RMDN3: variants seen among roughly 807,000 people sequenced by gnomAD.
RMDN3 encodes the protein regulator of microtubule dynamics protein 3.
RMDN3 carries 41 observed loss-of-function variants against 61.8 expected under a neutral mutation model. That is an observed-to-expected ratio of 0.66 (90% confidence interval 0.52 to 0.86). The LOEUF is 0.86. Among genes scored for constraint, RMDN3 ranks in the 40% least tolerant of loss-of-function variants. The pLI is 0.00. For synonymous variants in RMDN3, 247 were observed against 232.0 expected (o/e 1.06, Z -0.59); for missense variants, 557 against 585.3 (o/e 0.95, Z 0.50).
At chr15:40,738,185 G>C (rs1484612756) in intron 8 of RMDN3, 143 bp from the exon 9 acceptor site, 33 of 835,474 alleles carry the variant, frequency 3.9e-5, no homozygotes, top group Middle Eastern at 3.0e-4. Context: ...TCAGGAGTTC[G>C]AAACCAGTCC....
Position 40,754,597 on chromosome 15 carries a change from C to A in RMDN3, c.187G>T (p.Val63Leu). ...YTQTSDPGRH[V>L]MLLRAVPGGA... ...GCGGTCTCAGGAGACGGGCTCCTAC[C>A]GTGGCGTCCGGGATCTGAAGTCTGC... The change falls in exon 2 of 13, where the codon GTG becomes TTG. Residue 63 changes from valine (V) to leucine (L), a missense_variant and splice_region_variant. Physicochemically the swap from Val to Leu is conservative, Grantham distance 32. Transcript: ENST00000338376. 1 of 1,610,132 alleles carries A rather than the reference C, an allele frequency of 6.2e-7. No homozygotes were observed. Among genetic ancestry groups the A allele is most frequent in the Non-Finnish European group, 8.5e-7 (1 of 1,177,508 alleles).
At chr15:40,743,981 G>T (rs1897384597) in intron 6 of RMDN3, 66 bp downstream of exon 6, 1 of 1,382,932 alleles carries the variant, frequency 7.2e-7, no homozygotes. Context: ...GGGTCCCCAG[G>T]CAGATGGGCC....
intron 7 of RMDN3, chr15:40,739,102 C>T (rs1325404393): frequency 6.6e-6 from 1 of 152,602 alleles, no homozygotes; most frequent in Non-Finnish European, 1.5e-5. Context: ...CCAACAGAAC[C>T]AGAGGAAGAA....
intron 8 of RMDN3, 75 bp downstream of exon 8, chr15:40,738,426 T>A: frequency 6.8e-7 from 1 of 1,480,840 alleles, no homozygotes; most frequent in Non-Finnish European, 9.4e-7. Flanking sequence ...TAGAAAAGTT[T>A]TTGGCAGGGA....
chr15:40,746,929 T>G (rs954732056), intron 4 of RMDN3, among the ~76,000 whole-genome samples: 3 of 151,118 alleles, frequency 2.0e-5, no homozygotes, highest in African/African-American at 7.3e-5. Flanking sequence ...TAAGTGTCAT[T>G]AGATTTCGTA....
At chr15:40,738,381 C>CAAA (rs34355108) in intron 8 of RMDN3, 120 bp downstream of exon 8, 5 of 830,302 alleles carry the variant, frequency 6.0e-6, no homozygotes, top group East Asian at 3.1e-5. Flanking sequence ...GACTCTGTCT[C>CAAA]AAAAAAAAAG....
At position 40,754,449 on chromosome 15, in the gene RMDN3, G is replaced by A. The variant is rs974695502; in HGVS notation, c.187+148C>T. The A allele has an allele frequency of 9.6e-6, 8 of 837,196 alleles. 1 individual carries two copies. The highest frequency in any genetic ancestry group is 1.0e-5 in the Non-Finnish European group (6 of 578,344). 51.9% of individuals were successfully genotyped at this position (837,196 alleles called of 1,614,324 possible). A position where few individuals can be genotyped will look rare whatever the true frequency, so the allele number is the denominator to read the frequency against. On this transcript the variant is annotated intron_variant, in intron 2 of 12. Transcript: ENST00000338376. ...AGGCGTGAGCCACCGCGCCCAGCCC[G>A]ACGACTGCTTTTTCAACAAGCTTCC...
chr15:40,746,824 C>G (rs1431832005), intron 4 of RMDN3, among the ~76,000 whole-genome samples: 6 of 152,048 alleles, frequency 3.9e-5, no homozygotes, highest in African/African-American at 1.4e-4. Context: ...CCTTTCCTAA[C>G]TGCACCTTTG....
At chr15:40,740,861 G>C (rs927428131) in intron 6 of RMDN3, among the ~76,000 whole-genome samples, 13 of 152,132 alleles carry the variant, frequency 8.5e-5, no homozygotes, top group African/African-American at 3.1e-4. Context: ...CGAGGTGGGT[G>C]GATCACTTGA....
intron 7 of RMDN3, chr15:40,738,843 T>C (rs1178681332): frequency 1.9e-6 from 1 of 513,718 alleles, no homozygotes; most frequent in African/African-American, 1.9e-5. Flanking sequence ...TAAATCTCTC[T>C]TACACAGTAA....
rs1374222177 is a variant in RMDN3 at position 40,741,889 on chromosome 15, A to C, written c.911-1696T>G. Among the ~76,000 whole-genome samples, 4 of 152,004 alleles carry C rather than the reference A, an allele frequency of 2.6e-5. No individual in the cohort carries two copies. In the East Asian group the frequency reaches 5.8e-4, roughly 22 times the overall value. On this transcript the variant is annotated intron_variant, in intron 6 of 12. Coordinates refer to ENST00000338376, the MANE Select transcript of RMDN3 (RefSeq NM_018145.3). ...TGATGCGCCCACCTCAGCCTCCCAA[A>C]GTGCTGTGATTACAGGTGCGAACCA...
intron 2 of RMDN3, among the ~76,000 whole-genome samples, chr15:40,752,439 T>C (rs1897869248): frequency 6.6e-6 from 1 of 151,716 alleles, no homozygotes; most frequent in South Asian, 2.1e-4. Context: ...TAATGTAACA[T>C]GCTTGCCCAA....
chr15:40,736,818 A>G (rs541880123), intron 12 of RMDN3, among the ~76,000 whole-genome samples: 3 of 152,250 alleles, frequency 2.0e-5, no homozygotes, highest in African/African-American at 7.2e-5. Context: ...TATTTTCTAA[A>G]AATGTCACAT....
In RMDN3 at chr15:40,754,773, A is replaced by C; in HGVS notation, c.11T>G (p.Leu4Arg). 1 of 1,508,438 alleles carries C rather than the reference A, an allele frequency of 6.6e-7. No homozygotes were observed. Among genetic ancestry groups the C allele is most frequent in the Non-Finnish European group, 9.0e-7 (1 of 1,110,600 alleles). The allele number at this position is 1,508,438 out of a possible 1,614,324, so 93.4% of individuals were successfully genotyped here. A position where few individuals can be genotyped will look rare whatever the true frequency, so the allele number is the denominator to read the frequency against. ...GGCACGGGCACCACCCAGGGCTCCC[A>C]GTCTAGACATGCTGCACCTGCGGCC... The part of the protein sequence containing the change: MSR[L>R]GALGGARAGL... The change falls in exon 2 of 13, where the codon CTG (leucine) becomes CGG (arginine). Residue 4 changes from leucine to arginine, a missense_variant. By Grantham distance (102) the Leu-to-Arg change is moderately radical (BLOSUM62 -2). Coordinates refer to ENST00000338376, the MANE Select transcript of RMDN3 (RefSeq NM_018145.3).
In RMDN3 at chr15:40,736,604, CAAAG is replaced by C; in HGVS notation, c.1360-14_1360-11del. 2 of 1,613,456 alleles carry C rather than the reference CAAAG, an allele frequency of 1.2e-6. No homozygotes were observed. Among genetic ancestry groups the C allele is most frequent in the Admixed American group, 1.7e-5 (1 of 59,964 alleles). Reference sequence around the variant, plus strand: ...TCTGGATAGCCAAATCCTAGGGAGACAAAGAACAAATCTAGGGCTCAAAATTTAA... The same window carrying C: ...TCTGGATAGCCAAATCCTAGGGAGACAACAAATCTAGGGCTCAAAATTTAA... On this transcript the variant is annotated splice_polypyrimidine_tract_variant and intron_variant, in intron 12 of 12. Coordinates refer to ENST00000338376, the MANE Select transcript of RMDN3 (RefSeq NM_018145.3).
chr15:40,754,763 C>T lies in RMDN3; in HGVS notation c.21G>A (p.Leu7=), dbSNP rs747843426. 3 of 1,587,716 alleles carry T rather than the reference C, an allele frequency of 1.9e-6. No homozygotes were observed. Among genetic ancestry groups the T allele is most frequent in the South Asian group, 1.1e-5 (1 of 90,548 alleles). The change falls in exon 2 of 13, where the codon CTG becomes CTA. Residue 7 remains leucine, a synonymous_variant. Coordinates refer to ENST00000338376, the MANE Select transcript of RMDN3 (RefSeq NM_018145.3). MSRLGA[L]GGARAGLGLL... ...GTCCCAGCCCGGCACGGGCACCACC[C>T]AGGGCTCCCAGTCTAGACATGCTGC... is the stretch of plus-strand genomic sequence containing the variant.
At chr15:40,742,981 T>G (rs943418723) in intron 6 of RMDN3, among the ~76,000 whole-genome samples, 1 of 152,254 alleles carries the variant, frequency 6.6e-6, no homozygotes, top group African/African-American at 2.4e-5. Context: ...GACATCCTAC[T>G]CAATTGGTCT....
intron 4 of RMDN3, among the ~76,000 whole-genome samples, chr15:40,747,966 C>T (rs528378119): frequency 2.6e-5 from 4 of 152,122 alleles, no homozygotes; most frequent in Non-Finnish European, 4.4e-5. Flanking sequence ...AGGCTGCAGG[C>T]AATTTCTCTT....
intron 4 of RMDN3, among the ~76,000 whole-genome samples, chr15:40,750,230 T>C (rs1897760534): frequency 6.9e-6 from 1 of 145,068 alleles, no homozygotes; most frequent in Admixed American, 6.9e-5. Context: ...TTTTTTTTTT[T>C]TTTCTTTGAG....
Sources: gnomAD v4.1 joint callset for allele counts (sites outside exome capture counted in the v4.1 genomes callset) on GRCh38, gnomAD v4.1.1 for gene constraint, MANE v1.5 for transcripts, NCBI Gene and HGNC (gene_info 2026-07-23, HGNC 2026-07-21) for gene names.